The following PTPRG variants were observed in gnomAD, a reference collection of about 807,000 sequenced individuals.
PTPRG encodes receptor-type tyrosine-protein phosphatase gamma.
In PTPRG, 102 loss-of-function variants were observed where a neutral mutation model predicts 165.3. That is an observed-to-expected ratio of 0.62 (90% confidence interval 0.53 to 0.73). PTPRG has a LOEUF of 0.73. Among genes scored for constraint, PTPRG ranks in the 30% least tolerant of loss-of-function variants. PTPRG has a pLI of 0.00. For missense variants in PTPRG, 1,866 were observed against 1,861.4 expected (o/e 1.00, Z -0.05); for synonymous variants, 675 against 669.5 (o/e 1.01, Z -0.13).
chr3:61,664,079 T>C (rs962411273), intron 1 of PTPRG, among the ~76,000 whole-genome samples: 2 of 152,208 alleles, frequency 1.3e-5, no homozygotes, highest in Admixed American at 1.3e-4. Context: ...TTTGATCATG[T>C]ACTTTCTGTT....
chr3:62,230,131 C>G (rs759256806), intron 13 of PTPRG, among the ~76,000 whole-genome samples: 2 of 152,222 alleles, frequency 1.3e-5, no homozygotes, highest in Admixed American at 6.5e-5. Context: ...TCCCTCCCCC[C>G]TTTTAATCGT....
Position 62,258,551 on chromosome 3 carries a change from G to A in PTPRG, c.2559+3336G>A, listed in dbSNP as rs149037487. ...CTCATCCATCATGTTTAAACATCTC[G>A]GAAGTAAAAAAATGTTGGTGAATAA... On this transcript the variant is annotated intron_variant, in intron 16 of 29. Coordinates refer to ENST00000474889, the MANE Select transcript of PTPRG (RefSeq NM_002841.4). Among the ~76,000 whole-genome samples the A allele has an allele frequency of 4.1e-3, 627 of 152,240 alleles. 3 individuals carry two copies. The highest frequency in any genetic ancestry group is 0.014 in the Middle Eastern group (4 of 294).
At chr3:61,583,922 G>A (rs1700369660) in intron 1 of PTPRG, among the ~76,000 whole-genome samples, 1 of 152,128 alleles carries the variant, frequency 6.6e-6, no homozygotes, top group Admixed American at 6.5e-5. Context: ...CAATCAAAGG[G>A]CACCAATATC....
intron 2 of PTPRG, among the ~76,000 whole-genome samples, chr3:61,767,092 C>G (rs1489059027): frequency 4.0e-5 from 6 of 151,452 alleles, no homozygotes; most frequent in Admixed American, 2.0e-4. Context: ...AAAAATACAA[C>G]AATTAGCTGG....
chr3:62,077,482 T>C (rs1321052482), intron 4 of PTPRG, among the ~76,000 whole-genome samples: 2 of 152,154 alleles, frequency 1.3e-5, no homozygotes, highest in African/African-American at 4.8e-5. Context: ...TTAAGAGGAT[T>C]AAGAAAAATA....
chr3:61,870,748 G>A (rs1409250053), intron 2 of PTPRG, among the ~76,000 whole-genome samples: 1 of 151,602 alleles, frequency 6.6e-6, no homozygotes, highest in East Asian at 1.9e-4. Flanking sequence ...CTGTGTAAGT[G>A]TTGTCTGTAT....
chr3:61,896,133 A>G (rs1575762679), intron 2 of PTPRG, among the ~76,000 whole-genome samples: 2 of 152,290 alleles, frequency 1.3e-5, no homozygotes, highest in East Asian at 3.9e-4. Flanking sequence ...TCATGTATCC[A>G]CTATCCCAGT....
chr3:61,950,391 T>C (rs1035767709), intron 2 of PTPRG, among the ~76,000 whole-genome samples: 9 of 152,156 alleles, frequency 5.9e-5, no homozygotes, highest in African/African-American at 2.2e-4. Context: ...CTTGTGGAAG[T>C]TGTATCTTAT....
intron 2 of PTPRG, among the ~76,000 whole-genome samples, chr3:61,784,566 A>G (rs972925838): frequency 6.6e-6 from 1 of 152,178 alleles, no homozygotes; most frequent in African/African-American, 2.4e-5. Flanking sequence ...TTAAGCTTCC[A>G]CAAGACTTAA....
At chr3:61,911,583 T>G (rs2038805654) in intron 2 of PTPRG, among the ~76,000 whole-genome samples, 1 of 152,224 alleles carries the variant, frequency 6.6e-6, no homozygotes, top group African/African-American at 2.4e-5. Context: ...GGGGATGTAT[T>G]TTACATGTCA....
rs534089931 is a variant in PTPRG, at chr3:61,959,138, G to A, written c.191-30487G>A. ...ACTTACCAGGAATGCTGCTCCCTCCGGTCCCTGCAAATCTAAGGCCTCAAT... is the reference window on the plus strand; with the variant it reads ...ACTTACCAGGAATGCTGCTCCCTCCAGTCCCTGCAAATCTAAGGCCTCAAT... On this transcript the variant is annotated intron_variant, in intron 2 of 29. Transcript: ENST00000474889. Among the ~76,000 whole-genome samples, 48 of 152,164 alleles carry A rather than the reference G, an allele frequency of 3.2e-4. 2 individuals carry two copies. The South Asian group carries it at 4.6e-3, about 14-fold the overall frequency.
At position 61,840,901 on chromosome 3, in the gene PTPRG, C is replaced by G. The variant is rs373431554; in HGVS notation, c.190+91919C>G. On this transcript the variant is annotated intron_variant, in intron 2 of 29. Transcript: ENST00000474889. ...TGGGCAAGCAATTCTTCTGCCTCAG[C>G]CTCCCGAGTAGCTGGATCTCCAGGG... Among the ~76,000 whole-genome samples, 19 of 151,368 alleles carry G rather than the reference C, an allele frequency of 1.3e-4. No individual in the cohort carries two copies. In the East Asian group the frequency reaches 3.5e-3, roughly 28 times the overall value.
intron 2 of PTPRG, among the ~76,000 whole-genome samples, chr3:61,978,651 G>C (rs1054481946): frequency 6.6e-6 from 1 of 152,288 alleles, no homozygotes; most frequent in South Asian, 2.1e-4. Context: ...CCTATGTGCT[G>C]TATTTCTGCC....
chr3:62,163,622 A>G (rs1265276363), intron 7 of PTPRG, among the ~76,000 whole-genome samples: 2 of 152,218 alleles, frequency 1.3e-5, no homozygotes, highest in Non-Finnish European at 2.9e-5. Flanking sequence ...TTGATACAGC[A>G]TTTTACAGTT....
At chr3:61,755,994 G>T (rs997889788) in intron 2 of PTPRG, among the ~76,000 whole-genome samples, 14 of 152,230 alleles carry the variant, frequency 9.2e-5, no homozygotes, top group African/African-American at 3.4e-4. Context: ...GGGGATTTGA[G>T]AATGAAAAGA....
chr3:61,831,406 AAT>A (rs2036289443), intron 2 of PTPRG, among the ~76,000 whole-genome samples: 1 of 152,240 alleles, frequency 6.6e-6, no homozygotes, highest in African/African-American at 2.4e-5. Context: ...TTTACTTATA[AAT>A]ATACCACACA....
chr3:62,258,927 T>C (rs1009311615), intron 16 of PTPRG, among the ~76,000 whole-genome samples: 11 of 152,124 alleles, frequency 7.2e-5, no homozygotes, highest in Non-Finnish European at 1.5e-4. Flanking sequence ...AGTGCTAGCA[T>C]ACTCTTTCAA....
chr3:61,589,212 T>C (rs1352341391), intron 1 of PTPRG, among the ~76,000 whole-genome samples: 1 of 152,224 alleles, frequency 6.6e-6, no homozygotes, highest in Non-Finnish European at 1.5e-5. Context: ...TAGCCGTATC[T>C]GTTTTTTTAT....
intron 6 of PTPRG, among the ~76,000 whole-genome samples, chr3:62,145,302 G>T (rs978261613): frequency 6.6e-6 from 1 of 152,068 alleles, no homozygotes. Context: ...GTGACTTACT[G>T]TACATAACTG....
Sources: allele counts gnomAD v4.1 joint callset (sites outside exome capture counted in the v4.1 genomes callset), GRCh38; gene constraint gnomAD v4.1.1; transcripts MANE v1.5; gene names NCBI Gene and HGNC (gene_info 2026-07-23, HGNC 2026-07-21).